PRKACB: variants seen among roughly 807,000 people sequenced by gnomAD.
The protein encoded by PRKACB is cAMP-dependent protein kinase catalytic subunit beta.
Under a neutral mutation model 51.4 loss-of-function variants are expected in PRKACB, and 16 were observed. The ratio of observed to expected loss-of-function variants is 0.31; its 90% confidence interval spans 0.21 to 0.47. PRKACB has a LOEUF of 0.47. Among genes scored for constraint, PRKACB ranks in the 20% least tolerant of loss-of-function variants. PRKACB has a pLI of 1.00. For missense variants in PRKACB, 309 were observed against 464.5 expected, an observed-to-expected ratio of 0.67 and a Z score of 3.08; for synonymous variants, 147 against 154.4, an observed-to-expected ratio of 0.95 and a Z score of 0.35.
intron 1 of PRKACB, among the ~76,000 whole-genome samples, chr1:84,112,517 G>A (rs549816982): frequency 5.3e-5 from 8 of 152,088 alleles, no homozygotes; most frequent in East Asian, 3.8e-4. Flanking sequence ...GATTACAGGC[G>A]TGAGCCAACA....
At chr1:84,175,884 T>C (rs1572066629) in intron 1 of PRKACB, 13 of 1,143,484 alleles carry the variant, frequency 1.1e-5, no homozygotes, top group Non-Finnish European at 1.5e-5. Flanking sequence ...TAATTGAAAA[T>C]GTATACTTTT....
intron 8 of PRKACB, among the ~76,000 whole-genome samples, chr1:84,210,424 CTT>C (rs1436912170): frequency 6.6e-6 from 1 of 152,132 alleles, no homozygotes. Flanking sequence ...ATATCTGACT[CTT>C]TACATTTACT....
At chr1:84,204,668 A>G (rs927700665) in intron 8 of PRKACB, 1 of 1,062,468 alleles carries the variant, frequency 9.4e-7, no homozygotes, top group Admixed American at 4.0e-5. Context: ...AAAAACTAAG[A>G]ATGTAAATGT....
chr1:84,160,638 T>C (rs1656066201), intron 1 of PRKACB, among the ~76,000 whole-genome samples: 1 of 149,708 alleles, frequency 6.7e-6, no homozygotes, highest in Non-Finnish European at 1.5e-5. Flanking sequence ...CTCTAAATGG[T>C]TAAAGCTATG....
chr1:84,177,169 A>G (rs942150489), intron 1 of PRKACB, among the ~76,000 whole-genome samples: 5 of 152,030 alleles, frequency 3.3e-5, no homozygotes, highest in African/African-American at 7.2e-5. Context: ...TGCAAGTTCT[A>G]TAAATAAAAG....
intron 1 of PRKACB, among the ~76,000 whole-genome samples, chr1:84,096,912 T>C (rs1238027721): frequency 6.6e-6 from 1 of 152,044 alleles, no homozygotes. Flanking sequence ...ATAAGCATGC[T>C]TCCCTCAGAT....
At chr1:84,124,693 G>C (rs376870375) in intron 1 of PRKACB, among the ~76,000 whole-genome samples, 1 of 152,158 alleles carries the variant, frequency 6.6e-6, no homozygotes, top group Non-Finnish European at 1.5e-5. Context: ...TGAAAGGAGT[G>C]ACTATCCCAT....
chr1:84,217,852 T>C (rs1418284368), intron 9 of PRKACB, among the ~76,000 whole-genome samples: 1 of 152,160 alleles, frequency 6.6e-6, no homozygotes, highest in African/African-American at 2.4e-5. Flanking sequence ...TCTATTTTCT[T>C]TTAGTGCTTT....
intron 5 of PRKACB, among the ~76,000 whole-genome samples, chr1:84,194,819 T>G (rs1044623723): frequency 1.3e-5 from 2 of 151,912 alleles, no homozygotes; most frequent in African/African-American, 2.4e-5. Flanking sequence ...GCAACTGTAG[T>G]CCCAGCTACT....
chr1:84,184,831 C>T (rs1020608454), intron 4 of PRKACB, among the ~76,000 whole-genome samples: 1 of 151,306 alleles, frequency 6.6e-6, no homozygotes, highest in South Asian at 2.1e-4. Flanking sequence ...ACTTCATTGC[C>T]TGAGTATTTA....
At chr1:84,083,783 A>G (rs967141160) in intron 1 of PRKACB, among the ~76,000 whole-genome samples, 8 of 152,100 alleles carry the variant, frequency 5.3e-5, no homozygotes, top group African/African-American at 1.9e-4. Flanking sequence ...TGAAAGGTAA[A>G]TATGCTTAGG....
At chr1:84,092,916 C>CT (rs1216960024) in intron 1 of PRKACB, among the ~76,000 whole-genome samples, 1 of 150,440 alleles carries the variant, frequency 6.6e-6, no homozygotes, top group African/African-American at 2.4e-5. Flanking sequence ...TTCCCCATCC[C>CT]TTTTTTTGTG....
intron 8 of PRKACB, among the ~76,000 whole-genome samples, chr1:84,207,521 GATCA>G (rs1328101933): frequency 1.3e-5 from 2 of 151,998 alleles, no homozygotes; most frequent in East Asian, 3.9e-4. Flanking sequence ...GTTCATTTTT[GATCA>G]ATCAATTCTT....
chr1:84,080,200 T>C (rs1647413640), intron 1 of PRKACB, among the ~76,000 whole-genome samples: 2 of 152,182 alleles, frequency 1.3e-5, no homozygotes. Flanking sequence ...ATATTTTGGA[T>C]AATGATAATA....
At chr1:84,139,933 A>T (rs1653234347), upstream of PRKACB, among the ~76,000 whole-genome samples, 1 of 152,042 alleles carries the variant, frequency 6.6e-6, no homozygotes. Flanking sequence ...GGTGGCATGC[A>T]TCTGTAGTCC....
rs528426094 is a variant in PRKACB at position 84,080,553 on chromosome 1, G to A, written c.46+2182G>A. Among the ~76,000 whole-genome samples the A allele has an allele frequency of 1.9e-4, 29 of 152,268 alleles. No individual in the cohort carries two copies. In the South Asian group the frequency reaches 5.6e-3, roughly 29 times the overall value. ...TAGGGAAAATTATTTGAAATGTCAC[G>A]TGTTGATTAATGTTTGTAATTTCAT... On this transcript the variant is annotated intron_variant, in intron 1 of 8. Coordinates refer to the PRKACB transcript ENST00000370688.
intron 5 of PRKACB, among the ~76,000 whole-genome samples, chr1:84,193,738 G>T (rs1667446977): frequency 1.3e-5 from 2 of 152,160 alleles, no homozygotes; most frequent in African/African-American, 4.8e-5. Context: ...TGGAGCAGGT[G>T]CTGGGTGCTC....
chr1:84,180,204 A>ATATATATATATATATATATATATG (rs1347501164), intron 2 of PRKACB, among the ~76,000 whole-genome samples: 5 of 124,010 alleles, frequency 4.0e-5, no homozygotes, highest in African/African-American at 1.1e-4. Context: ...ATATATATAT[A>ATATATATATATATATATATATATG]TATATGTATG....
intron 8 of PRKACB, 136 bp from the exon 9 acceptor site, chr1:84,214,017 A>C (rs1245291284): frequency 1.8e-5 from 15 of 835,908 alleles, no homozygotes. Context: ...ATGTAGTTAA[A>C]AGTATGTGAA....
Sources: gnomAD v4.1 joint callset for allele counts (sites outside exome capture counted in the v4.1 genomes callset) on GRCh38, gnomAD v4.1.1 for gene constraint, MANE v1.5 for transcripts, NCBI Gene and HGNC (gene_info 2026-07-23, HGNC 2026-07-21) for gene names.